The following NHSL1 variants were observed in gnomAD, a reference collection of about 807,000 sequenced individuals.
NHSL1 encodes NHS-like protein 1.
Under a neutral mutation model 95.0 loss-of-function variants are expected in NHSL1, and 48 were observed. The ratio of observed to expected loss-of-function variants is 0.51; its 90% CI spans 0.40 to 0.64. The LOEUF (loss-of-function observed/expected upper bound fraction) is 0.64, where lower values mean the gene tolerates loss of function less well. Among genes scored for constraint, NHSL1 ranks in the 30% least tolerant of loss-of-function variants. NHSL1 has a pLI of 0.00. For synonymous variants in NHSL1, 783 were observed against 833.9 expected (o/e 0.94, Z 1.05); for missense variants, 1,971 against 2,077.7 (o/e 0.95, Z 1.00).
intron 3 of NHSL1, among the ~76,000 whole-genome samples, chr6:138,470,312 A>C (rs67998424): frequency 0.22 from 33,646 of 152,130 alleles, 4,010 homozygotes; most frequent in Admixed American, 0.35. Flanking sequence ...TTTTTTGAGA[A>C]AGGGTCTCAC....
At chr6:138,539,168 A>C (rs1284650338) in intron 1 of NHSL1, among the ~76,000 whole-genome samples, 1 of 152,250 alleles carries the variant, frequency 6.6e-6, no homozygotes. Context: ...AGGATCTCTT[A>C]ATTTTAAATG....
chr6:138,687,709 G>A (rs1465104995), intron 1 of NHSL1, among the ~76,000 whole-genome samples: 4 of 152,044 alleles, frequency 2.6e-5, no homozygotes, highest in African/African-American at 9.7e-5. Flanking sequence ...TATGAACTTC[G>A]AAAAGTTCAC....
At chr6:138,687,884 T>C (rs933679787) in intron 1 of NHSL1, among the ~76,000 whole-genome samples, 4 of 152,092 alleles carry the variant, frequency 2.6e-5, no homozygotes, top group African/African-American at 9.7e-5. Context: ...TTTGGGGTGA[T>C]AAAAATGTTC....
intron 1 of NHSL1, among the ~76,000 whole-genome samples, chr6:138,628,599 A>G (rs1784775996): frequency 6.6e-6 from 1 of 152,092 alleles, no homozygotes; most frequent in South Asian, 2.1e-4. Flanking sequence ...CTGGTTCTGG[A>G]TTATTAATTT....
At chr6:138,650,965 C>T in intron 1 of NHSL1, 1 of 525,674 alleles carries the variant, frequency 1.9e-6, no homozygotes, top group Non-Finnish European at 3.8e-6. Flanking sequence ...GGACCTTCCT[C>T]CCCAGCACAT....
chr6:138,454,183 A>G (rs1777424983), intron 3 of NHSL1, among the ~76,000 whole-genome samples: 1 of 141,050 alleles, frequency 7.1e-6, no homozygotes, highest in South Asian at 2.2e-4. Flanking sequence ...TCCTTGTTAT[A>G]TGTGTGCGTG....
intron 1 of NHSL1, among the ~76,000 whole-genome samples, chr6:138,660,926 T>C (rs901633096): frequency 6.6e-6 from 1 of 152,172 alleles, no homozygotes; most frequent in African/African-American, 2.4e-5. Context: ...ACCTGGTCTC[T>C]ACTAAAACTA....
rs201146817 is a variant in NHSL1 at position 138,550,833 on chromosome 6, CA to C, written c.202+20876del. On this transcript the variant is annotated intron_variant, in intron 1 of 6. Coordinates refer to the NHSL1 transcript ENST00000427025. ...AACAAAATTATACAAGCAAAACAGGCAAACCATATCTCCTCCCTATGTATCC... is the reference window on the plus strand; with the variant it reads ...AACAAAATTATACAAGCAAAACAGGCAACCATATCTCCTCCCTATGTATCC... Among the ~76,000 whole-genome samples the C allele has an allele frequency of 5.7e-3, 875 of 152,234 alleles. 22 individuals are homozygous for C. Among genetic ancestry groups the C allele is most frequent in the Admixed American group, 0.048 (735 of 15,288 alleles).
At chr6:138,442,186 G>A (rs1776575173) in intron 4 of NHSL1, 72 bp from the exon 5 acceptor site, 1 of 1,378,932 alleles carries the variant, frequency 7.3e-7, no homozygotes, top group African/African-American at 1.5e-5. Flanking sequence ...CTTTCTTCCA[G>A]AAGCTTGTTG....
At chr6:138,444,573 C>T (rs895752961) in intron 4 of NHSL1, among the ~76,000 whole-genome samples, 3 of 149,774 alleles carry the variant, frequency 2.0e-5, no homozygotes, top group Non-Finnish European at 4.4e-5. Flanking sequence ...GATTTGAAAT[C>T]GCCATTTTTT....
At chr6:138,613,741 A>G (rs9399248) in intron 1 of NHSL1, among the ~76,000 whole-genome samples, 9,380 of 152,294 alleles carry the variant, frequency 0.062, 536 homozygotes, top group East Asian at 0.27. Context: ...AGGACATTTG[A>G]TAAGACATTT....
chr6:138,574,356 T>TA (rs1177526751), upstream of NHSL1, among the ~76,000 whole-genome samples: 1 of 151,828 alleles, frequency 6.6e-6, no homozygotes, highest in Admixed American at 6.6e-5. Flanking sequence ...AAAGGAAAAG[T>TA]AAAAAAAGAC....
intron 1 of NHSL1, among the ~76,000 whole-genome samples, chr6:138,641,238 C>T (rs747140456): frequency 6.6e-6 from 1 of 152,172 alleles, no homozygotes; most frequent in African/African-American, 2.4e-5. Context: ...GCACTTAGTG[C>T]TGTATACATT....
Position 138,432,142 on chromosome 6 carries a change from G to C in NHSL1, c.2203C>G (p.Arg735Gly), listed in dbSNP as rs763185214. Residue 735 changes from arginine to glycine, a missense_variant, in exon 6 of 8, where the codon CGC (arginine) becomes GGC (glycine). This residue lies in a region of NHSL1 where 1,602 missense variants were observed against 1,654.5 expected (regional missense o/e 0.97). Coordinates refer to ENST00000343505, the MANE Select transcript of NHSL1 (RefSeq NM_001144060.2). The surrounding 1 kb of genome is among the most constrained non-coding windows in gnomAD (Gnocchi z 4.4). ...CTAACTGTGCTCTGGCTCCGGGAGCGGGGCAGCCAGGGCTCTTCCAAGTCA... is the reference window on the plus strand; with the variant it reads ...CTAACTGTGCTCTGGCTCCGGGAGCCGGGCAGCCAGGGCTCTTCCAAGTCA... Reference protein sequence around the residue: ...CSDLEEPWLPRSRSQSTVSAG... With the variant: ...CSDLEEPWLPGSRSQSTVSAG... The C allele has an allele frequency of 5.8e-6, 9 of 1,548,656 alleles. No individual in the cohort carries two copies. The highest frequency in any genetic ancestry group is 1.2e-5 in the South Asian group (1 of 83,818).
intron 1 of NHSL1, among the ~76,000 whole-genome samples, chr6:138,514,849 G>A (rs1239911929): frequency 2.0e-5 from 3 of 152,184 alleles, no homozygotes; most frequent in African/African-American, 7.2e-5. Context: ...CTTGAGCCCA[G>A]AAGTTCGAGG....
chr6:138,429,930 C>A (rs1254405030), intron 6 of NHSL1, 87 bp from the exon 7 acceptor site: 6 of 1,329,654 alleles, frequency 4.5e-6, no homozygotes, highest in Non-Finnish European at 6.1e-6. Context: ...TGCTTCCCTG[C>A]CATTCCCGAC....
chr6:138,526,772 T>C (rs1306697207), intron 1 of NHSL1, among the ~76,000 whole-genome samples: 1 of 152,220 alleles, frequency 6.6e-6, no homozygotes, highest in Non-Finnish European at 1.5e-5. Context: ...CCCATGAGTT[T>C]TGAAATGTAA....
intron 1 of NHSL1, among the ~76,000 whole-genome samples, chr6:138,597,929 G>A (rs1390976169): frequency 4.6e-5 from 7 of 152,142 alleles, no homozygotes; most frequent in South Asian, 2.1e-4. Context: ...CCCCAGTGAC[G>A]ATGATAATGT....
intron 1 of NHSL1, among the ~76,000 whole-genome samples, chr6:138,652,118 T>A (rs73566683): frequency 0.023 from 3,498 of 152,252 alleles, 134 homozygotes; most frequent in African/African-American, 0.079. Context: ...TTTGCTAAAA[T>A]GTATCAGTAA....
Sources: allele counts gnomAD v4.1 joint callset (sites outside exome capture counted in the v4.1 genomes callset), GRCh38; gene constraint gnomAD v4.1.1; regional missense constraint gnomAD v4.1.1; non-coding constraint Gnocchi (gnomAD v3.1); transcripts MANE v1.5; gene names NCBI Gene and HGNC (gene_info 2026-07-23, HGNC 2026-07-21).